ERC2: variants seen among roughly 807,000 people sequenced by gnomAD.
The protein encoded by ERC2 is ELKS/RAB6-interacting/CAST family member 2.
In ERC2, 42 loss-of-function variants were observed where a neutral mutation model predicts 114.8. That is an observed-to-expected ratio of 0.37 (90% CI 0.29 to 0.47). The LOEUF is 0.47. ERC2 is among the 20% of genes least tolerant of loss of function. The pLI is 0.99. For synonymous variants in ERC2, 454 were observed against 425.5 expected (o/e 1.07, Z -0.82); for missense variants, 939 against 1,150.7 (o/e 0.82, Z 2.66).
At chr3:56,195,226 T>C (rs549002317) in intron 3 of ERC2, among the ~76,000 whole-genome samples, 185 of 152,134 alleles carry the variant, frequency 1.2e-3, no homozygotes, top group African/African-American at 4.3e-3. Flanking sequence ...AAGTGACTAA[T>C]AGGAAGGTGG....
intron 14 of ERC2, among the ~76,000 whole-genome samples, chr3:55,830,728 G>A (rs1328696513): frequency 6.6e-6 from 1 of 152,112 alleles, no homozygotes; most frequent in Non-Finnish European, 1.5e-5. Flanking sequence ...AGGATGACTT[G>A]AACCCAGGAG....
At chr3:56,311,230 CTTCTCTCTCTCTCTCTCTCTCTCTCT>C (rs1287753564) in intron 2 of ERC2, among the ~76,000 whole-genome samples, 14 of 29,230 alleles carry the variant, frequency 4.8e-4, no homozygotes, top group African/African-American at 1.3e-3. Context: ...TATCCATCAT[CTTCTCTCTCTCTCTCTCTCTCTCTCT>C]ATATATATAT....
At chr3:56,006,724 T>A (rs967702042) in intron 10 of ERC2, among the ~76,000 whole-genome samples, 2 of 152,124 alleles carry the variant, frequency 1.3e-5, no homozygotes, top group Non-Finnish European at 2.9e-5. Flanking sequence ...GACTTGACAA[T>A]TTTGGTGAAC....
chr3:56,246,447 C>T (rs2150219577), intron 3 of ERC2, among the ~76,000 whole-genome samples: 1 of 152,258 alleles, frequency 6.6e-6, no homozygotes, highest in Admixed American at 6.5e-5. Flanking sequence ...TTGACAACCA[C>T]TGTTCTAAAC....
chr3:55,805,873 C>T (rs2059467392), intron 14 of ERC2, among the ~76,000 whole-genome samples: 1 of 152,166 alleles, frequency 6.6e-6, no homozygotes, highest in Non-Finnish European at 1.5e-5. Flanking sequence ...CAAGGGCCTA[C>T]TCACGGCCAC....
intron 13 of ERC2, among the ~76,000 whole-genome samples, chr3:55,939,927 C>A (rs1279236265): frequency 1.3e-5 from 2 of 152,196 alleles, no homozygotes; most frequent in Non-Finnish European, 2.9e-5. Context: ...ATTATTATAA[C>A]CGATTGCTCT....
intron 3 of ERC2, among the ~76,000 whole-genome samples, chr3:56,281,362 G>A (rs375342794): frequency 0.037 from 4,874 of 132,866 alleles, 172 homozygotes; most frequent in South Asian, 0.19. Context: ...GCGTGAACCC[G>A]GGAGGCGGAG....
At chr3:56,064,258 A>T (rs2076370838) in intron 7 of ERC2, among the ~76,000 whole-genome samples, 2 of 152,174 alleles carry the variant, frequency 1.3e-5, no homozygotes, top group Non-Finnish European at 2.9e-5. Flanking sequence ...GGTAACATGG[A>T]ACTGCAGCAA....
chr3:55,665,082 C>T (rs970858479), intron 17 of ERC2, among the ~76,000 whole-genome samples: 87 of 152,108 alleles, frequency 5.7e-4, no homozygotes, highest in African/African-American at 1.9e-3. Context: ...GAAGAGGGTG[C>T]GCGGTGAAGG....
chr3:56,112,983 T>TA (rs954381037), intron 6 of ERC2, among the ~76,000 whole-genome samples: 8 of 151,906 alleles, frequency 5.3e-5, no homozygotes, highest in Non-Finnish European at 8.8e-5. Context: ...ACAGGCAATA[T>TA]AAAAAAAATC....
At chr3:56,257,151 T>C (rs2052576415) in intron 3 of ERC2, among the ~76,000 whole-genome samples, 1 of 152,102 alleles carries the variant, frequency 6.6e-6, no homozygotes, top group African/African-American at 2.4e-5. Context: ...ACCCCCAATC[T>C]CTTCTAGGTT....
At chr3:56,032,916 A>AC (rs1306086307) in intron 7 of ERC2, among the ~76,000 whole-genome samples, 1 of 78,974 alleles carries the variant, frequency 1.3e-5, no homozygotes. Context: ...AGAAAGAAAG[A>AC]AAGAAAGAAA....
chr3:55,669,132 A>G (rs1402373669), intron 17 of ERC2, among the ~76,000 whole-genome samples: 1 of 152,196 alleles, frequency 6.6e-6, no homozygotes, highest in Non-Finnish European at 1.5e-5. Flanking sequence ...TTGGCATTTC[A>G]GGTATAATTA....
Position 56,120,697 on chromosome 3 carries a change from G to T in ERC2, c.1473+18812C>A, listed in dbSNP as rs566363306. On this transcript the variant is annotated intron_variant, in intron 6 of 17. Coordinates refer to ENST00000288221, the MANE Select transcript of ERC2 (RefSeq NM_015576.3). ...ATGATCTGATATAGTATCCTGTGAT[G>T]CAGAGGGTTCAAATATCTGAAAAGA... Among the ~76,000 whole-genome samples, 4 of 152,200 alleles carry T rather than the reference G, an allele frequency of 2.6e-5. No homozygotes were observed. In the South Asian group the frequency reaches 6.2e-4, roughly 24 times the overall value.
At chr3:56,125,969 C>T (rs2079841563) in intron 6 of ERC2, among the ~76,000 whole-genome samples, 5 of 152,032 alleles carry the variant, frequency 3.3e-5, no homozygotes, top group Admixed American at 6.5e-5. Flanking sequence ...TATCAAACAT[C>T]GACAAAAGTT....
At chr3:56,116,184 C>G (rs1413889303) in intron 6 of ERC2, among the ~76,000 whole-genome samples, 1 of 152,176 alleles carries the variant, frequency 6.6e-6, no homozygotes, top group Non-Finnish European at 1.5e-5. Flanking sequence ...CTGTTGACCT[C>G]ACCATATCTG....
At chr3:55,795,039 C>T (rs189306714) in intron 14 of ERC2, among the ~76,000 whole-genome samples, 2 of 152,228 alleles carry the variant, frequency 1.3e-5, no homozygotes, top group Admixed American at 1.3e-4. Context: ...TTACATTAGC[C>T]AGCTTACATT....
intron 17 of ERC2, among the ~76,000 whole-genome samples, chr3:55,605,650 G>A (rs533182674): frequency 3.0e-4 from 45 of 152,252 alleles, no homozygotes; most frequent in African/African-American, 1.1e-3. Flanking sequence ...AATTTTTATT[G>A]CAAAAGTATG....
chr3:56,228,189 C>T (rs12490423), intron 3 of ERC2, among the ~76,000 whole-genome samples: 89,823 of 151,982 alleles, frequency 0.59, 27,129 homozygotes, highest in East Asian at 0.85. Context: ...TTTTATTCGT[C>T]ATTTCTAACT....
Sources: allele counts gnomAD v4.1 joint callset (sites outside exome capture counted in the v4.1 genomes callset), GRCh38; gene constraint gnomAD v4.1.1; transcripts MANE v1.5; gene names NCBI Gene and HGNC (gene_info 2026-07-23, HGNC 2026-07-21).